Variants in ARHGAP22 observed in about 807,000 individuals in gnomAD.
ARHGAP22 encodes Rho GTPase activating protein 22, also known as rho GTPase-activating protein 22.
Under a neutral mutation model 59.1 loss-of-function variants are expected in ARHGAP22, and 48 were observed. The ratio of observed to expected loss-of-function variants is 0.81; its 90% CI spans 0.64 to 1.03. ARHGAP22 has a LOEUF of 1.03. Ranked by LOEUF, ARHGAP22 falls within the 50% of genes least tolerant of loss-of-function variation. The pLI is 0.00. For synonymous variants in ARHGAP22, 445 were observed against 416.4 expected, an observed-to-expected ratio of 1.07 and a Z score of -0.84; for missense variants, 1,015 against 958.7, an observed-to-expected ratio of 1.06 and a Z score of -0.78.
intron 2 of ARHGAP22, among the ~76,000 whole-genome samples, chr10:48,566,677 C>G (rs559824706): frequency 2.6e-5 from 4 of 152,288 alleles, no homozygotes; most frequent in Admixed American, 2.6e-4. Flanking sequence ...GACCTGGGAA[C>G]GCCCTGCTTC....
intron 4 of ARHGAP22, among the ~76,000 whole-genome samples, chr10:48,469,461 C>T (rs1001305005): frequency 1.3e-5 from 2 of 152,262 alleles, no homozygotes; most frequent in African/African-American, 4.8e-5. Context: ...GTCTTTGTCT[C>T]TGAGCTGTGT....
intron 3 of ARHGAP22, among the ~76,000 whole-genome samples, chr10:48,497,067 G>A (rs1049676845): frequency 3.9e-5 from 6 of 152,154 alleles, no homozygotes; most frequent in Non-Finnish European, 8.8e-5. Context: ...TGGCTGGTCA[G>A]GAGAAACTGC....
At chr10:48,513,046 A>G (rs1255699026) in intron 3 of ARHGAP22, among the ~76,000 whole-genome samples, 2 of 151,538 alleles carry the variant, frequency 1.3e-5, no homozygotes, top group Non-Finnish European at 2.9e-5. Flanking sequence ...TTTCTCCCCC[A>G]CCCACTCTTT....
chr10:48,503,298 C>A (rs1277384804), intron 3 of ARHGAP22, among the ~76,000 whole-genome samples: 1 of 152,158 alleles, frequency 6.6e-6, no homozygotes, highest in Non-Finnish European at 1.5e-5. Context: ...GTAACTGATG[C>A]TGAGTGACCT....
At chr10:48,434,033 C>T in the ARHGAP22 span, among the ~76,000 whole-genome samples, 60 of 152,308 alleles carry the variant, frequency 3.9e-4, 1 homozygote, top group Middle Eastern at 0.027. Context: ...TATCCTTCAT[C>T]CCCCAGCATA....
intron 3 of ARHGAP22, among the ~76,000 whole-genome samples, chr10:48,525,108 G>A (rs1589944121): frequency 6.6e-6 from 1 of 152,200 alleles, no homozygotes; most frequent in Admixed American, 6.5e-5. Context: ...AGGTAACATG[G>A]AAGCTGCTTT....
intron 2 of ARHGAP22, among the ~76,000 whole-genome samples, chr10:48,580,376 C>T (rs1234464376): frequency 6.6e-6 from 1 of 152,084 alleles, no homozygotes; most frequent in African/African-American, 2.4e-5. Context: ...GGTGAGGGCT[C>T]CCAGGGCCAC....
intron 1 of ARHGAP22, among the ~76,000 whole-genome samples, chr10:48,610,356 A>G: frequency 6.6e-6 from 1 of 152,168 alleles, no homozygotes; most frequent in Non-Finnish European, 1.5e-5. Flanking sequence ...ACCGGAGCAC[A>G]GAGGCTTTGC....
intron 3 of ARHGAP22, among the ~76,000 whole-genome samples, chr10:48,541,151 A>G (rs2055891884): frequency 6.6e-6 from 1 of 152,010 alleles, no homozygotes; most frequent in African/African-American, 2.4e-5. Flanking sequence ...TACTCTGGGG[A>G]GCAGCCTATG....
intron 3 of ARHGAP22, among the ~76,000 whole-genome samples, chr10:48,497,685 T>C (rs2095704690): frequency 6.6e-6 from 1 of 152,146 alleles, no homozygotes; most frequent in Non-Finnish European, 1.5e-5. Context: ...AGGAAACCTG[T>C]GGTCTCACCA....
At chr10:48,599,423 G>A (rs1028886750) in intron 1 of ARHGAP22, among the ~76,000 whole-genome samples, 2 of 152,196 alleles carry the variant, frequency 1.3e-5, no homozygotes, top group Admixed American at 6.5e-5. Flanking sequence ...TGGTTGTTGC[G>A]ATTATTAAGC....
At chr10:48,569,184 G>T (rs1018904715) in intron 2 of ARHGAP22, among the ~76,000 whole-genome samples, 1 of 152,220 alleles carries the variant, frequency 6.6e-6, no homozygotes, top group Admixed American at 6.5e-5. Flanking sequence ...CTGCTTAGTT[G>T]AGCACAGGTT....
intron 2 of ARHGAP22, among the ~76,000 whole-genome samples, chr10:48,555,827 C>G (rs1564874675): frequency 6.6e-6 from 1 of 152,162 alleles, no homozygotes; most frequent in Non-Finnish European, 1.5e-5. Context: ...GAGGGAGGCT[C>G]CCACCACTGG....
chr10:48,431,575 C>A, the ARHGAP22 span, among the ~76,000 whole-genome samples: 1 of 152,112 alleles, frequency 6.6e-6, no homozygotes, highest in Non-Finnish European at 1.5e-5. Flanking sequence ...AATATACATA[C>A]CTTTCTATGA....
intron 1 of ARHGAP22, among the ~76,000 whole-genome samples, chr10:48,597,982 G>T (rs907048714): frequency 2.6e-5 from 4 of 152,316 alleles, no homozygotes; most frequent in African/African-American, 9.6e-5. Flanking sequence ...CTCAGTTCAG[G>T]CCTGTCTTGC....
rs200771176 is a variant in ARHGAP22, at chr10:48,583,117, G to A, written c.70C>T (p.Arg24Trp). 50 of 1,614,098 alleles carry A rather than the reference G, an allele frequency of 3.1e-5. No individual in the cohort carries two copies. The highest frequency in any genetic ancestry group is 8.8e-5 in the South Asian group (8 of 91,082). Residue 24 changes from arginine to tryptophan, a missense_variant, in exon 2 of 10, where the codon CGG (arginine) becomes TGG (tryptophan). Coordinates refer to ENST00000249601, the MANE Select transcript of ARHGAP22 (RefSeq NM_021226.4). The stretch of plus-strand genomic sequence containing the variant: ...GGGCACGGCATCCGCCCAGGGCTCC[G>A]GCTCTGCTCCCCCATCACTAGGCTT... ...SKSLVMGEQSRSPGRMPCPHR... is the reference protein window; with the variant it reads ...SKSLVMGEQSWSPGRMPCPHR...
intron 1 of ARHGAP22, among the ~76,000 whole-genome samples, chr10:48,618,830 T>G (rs2061181790): frequency 6.6e-6 from 1 of 152,104 alleles, no homozygotes; most frequent in African/African-American, 2.4e-5. Context: ...AACATAGTAC[T>G]GGAAGACCTA....
At position 48,479,591 on chromosome 10, in the gene ARHGAP22, G is replaced by T. The variant is rs368503820; in HGVS notation, c.451+45C>A. 4.7e-5 allele frequency: 76 copies of T among 1,613,584 alleles called. No individual in the cohort carries two copies. The African/African-American group carries it at 9.7e-4, about 21-fold the overall frequency. ...GACAGGCAGGGGGCATGATTACCTGGAGGCAAGGGTTCTAGAGGGTGGGCA... is the reference window on the plus strand; with the variant it reads ...GACAGGCAGGGGGCATGATTACCTGTAGGCAAGGGTTCTAGAGGGTGGGCA... On this transcript the variant is annotated intron_variant, in intron 4 of 9. Transcript: ENST00000249601.
rs372978876 is a variant in ARHGAP22, at chr10:48,541,396, C to T, written c.322+14067G>A. Among the ~76,000 whole-genome samples, 238 of 152,344 alleles carry T rather than the reference C, an allele frequency of 1.6e-3. 5 individuals carry two copies. The South Asian group carries it at 0.048, about 31-fold the overall frequency. On this transcript the variant is annotated intron_variant, in intron 3 of 9. Coordinates refer to ENST00000249601, the MANE Select transcript of ARHGAP22 (RefSeq NM_021226.4). Reference sequence around the variant, plus strand: ...CTCCTGCGCATCACCCCTTCCTGCCCGGTGCGCTATCACCATCTGAGGGAC... The same window carrying T: ...CTCCTGCGCATCACCCCTTCCTGCCTGGTGCGCTATCACCATCTGAGGGAC...
Sources: allele counts gnomAD v4.1 joint callset (sites outside exome capture counted in the v4.1 genomes callset), GRCh38; gene constraint gnomAD v4.1.1; transcripts MANE v1.5; gene names NCBI Gene and HGNC (gene_info 2026-07-23, HGNC 2026-07-21).